Variants in CCDC172 observed in about 807,000 individuals in gnomAD.
The protein encoded by CCDC172 is coiled-coil domain containing 172, also known as coiled-coil domain-containing protein 172.
Under a neutral mutation model 38.0 loss-of-function variants are expected in CCDC172, and 30 were observed. That is an observed-to-expected ratio of 0.79 (90% CI 0.59 to 1.07). CCDC172 has a LOEUF of 1.07. CCDC172 is among the 50% of genes least tolerant of loss of function. The pLI is 0.00. For synonymous variants in CCDC172, 78 were observed against 88.3 expected (o/e 0.88, Z 0.66); for missense variants, 297 against 290.1 (o/e 1.02, Z -0.17).
intron 2 of CCDC172, 72 bp downstream of exon 2, chr10:116,325,162 C>A: frequency 6.5e-7 from 1 of 1,548,208 alleles, no homozygotes; most frequent in Non-Finnish European, 8.9e-7. Context: ...AGAAGGAAAT[C>A]CCGAAGGCAG....
At chr10:116,355,130 A>G (rs948683373) in intron 5 of CCDC172, among the ~76,000 whole-genome samples, 3 of 152,192 alleles carry the variant, frequency 2.0e-5, no homozygotes, top group African/African-American at 7.2e-5. Context: ...GTGTACGGTA[A>G]TGTCGTGGGC....
chr10:116,348,184 T>TTGG (rs1334543434), intron 5 of CCDC172, among the ~76,000 whole-genome samples: 7 of 152,048 alleles, frequency 4.6e-5, no homozygotes, highest in East Asian at 1.9e-4. Flanking sequence ...GCAACTCTTC[T>TTGG]TGGTGGTGGT....
chr10:116,366,026 T>G (rs1254566682), intron 7 of CCDC172, among the ~76,000 whole-genome samples: 1 of 152,184 alleles, frequency 6.6e-6, no homozygotes, highest in African/African-American at 2.4e-5. Flanking sequence ...AATATTTTCC[T>G]GTTGTTAAAC....
At chr10:116,348,250 C>T (rs891827163) in intron 5 of CCDC172, among the ~76,000 whole-genome samples, 2 of 152,068 alleles carry the variant, frequency 1.3e-5, no homozygotes, top group Non-Finnish European at 2.9e-5. Flanking sequence ...CTGTTGACTT[C>T]CCAGAGCAGT....
rs1430041653 is a variant in CCDC172, at chr10:116,342,058, TAGA to T, written c.306_308del (p.Ile102_Glu103delinsMet). 1 of 1,519,258 alleles carries T rather than the reference TAGA, an allele frequency of 6.6e-7. No individual in the cohort carries two copies. Among genetic ancestry groups the T allele is most frequent in the African/African-American group, 1.5e-5 (1 of 68,928 alleles). The allele number at this position is 1,519,258 out of a possible 1,614,324, so 94.1% of individuals were successfully genotyped here. A position where few individuals can be genotyped will look rare whatever the true frequency, so the allele number is the denominator to read the frequency against. On this transcript the variant is annotated inframe_deletion, in exon 5 of 9. Coordinates refer to ENST00000333254, the MANE Select transcript of CCDC172 (RefSeq NM_198515.3). The stretch of plus-strand genomic sequence containing the variant: ...CAGGAGGCTATAAAGAAACAAATGA[TAGA>T]GGAGGAAGACAAATTTATTAAGGAA...
In CCDC172 at chr10:116,378,443, T is replaced by TATAA; in HGVS notation, c.674_675insATAA (p.Tyr226Ter). 3 of 1,598,010 alleles carry TATAA rather than the reference T, an allele frequency of 1.9e-6. No homozygotes were observed. The highest frequency in any genetic ancestry group is 2.6e-6 in the Non-Finnish European group (3 of 1,174,614). On this transcript the variant is annotated stop_gained and frameshift_variant, in exon 8 of 9. Transcript: ENST00000333254. LOFTEE classifies it high-confidence loss of function. ...AATAGACTTAAAAAAGAATTAGAAC[T>TATAA]TTATAAGGAAGATGACATGGAAAGT... is the stretch of plus-strand genomic sequence containing the variant.
intron 7 of CCDC172, among the ~76,000 whole-genome samples, chr10:116,366,860 G>A (rs982371933): frequency 3.3e-5 from 5 of 152,096 alleles, no homozygotes; most frequent in Non-Finnish European, 7.4e-5. Context: ...CAATCTTGTG[G>A]ACATAAGATG....
intron 1 of CCDC172, 60 bp downstream of exon 1, chr10:116,324,673 G>T: frequency 4.1e-6 from 1 of 245,814 alleles, no homozygotes; most frequent in African/African-American, 2.3e-5. Context: ...AGGGACGGAG[G>T]CCTGAGTCAG....
intron 7 of CCDC172, among the ~76,000 whole-genome samples, chr10:116,370,373 T>C (rs1400990253): frequency 1.3e-5 from 2 of 151,980 alleles, no homozygotes; most frequent in East Asian, 3.8e-4. Flanking sequence ...TTCTTGTATA[T>C]GCTGTATAAT....
chr10:116,370,679 A>G (rs1845177058), intron 7 of CCDC172, among the ~76,000 whole-genome samples: 1 of 151,778 alleles, frequency 6.6e-6, no homozygotes, highest in African/African-American at 2.4e-5. Flanking sequence ...GCTTTCCTAA[A>G]AAGAAAAAGA....
rs72839540 is a variant in CCDC172 at position 116,355,211 on chromosome 10, A to G, written c.449-2169A>G. ...AGTACTACAAGCTCCATTCATGGTA[A>G]GTATCTTACACAGGTATACCATTTT... On this transcript the variant is annotated intron_variant, in intron 5 of 8. Transcript: ENST00000333254. Among the ~76,000 whole-genome samples, 253 of 152,290 alleles carry G rather than the reference A, an allele frequency of 1.7e-3. 2 individuals carry two copies. Among genetic ancestry groups the G allele is most frequent in the Non-Finnish European group, 2.5e-3 (171 of 68,026 alleles).
At chr10:116,333,250 A>C (rs988407691) in intron 3 of CCDC172, among the ~76,000 whole-genome samples, 1 of 152,170 alleles carries the variant, frequency 6.6e-6, no homozygotes, top group Admixed American at 6.6e-5. Flanking sequence ...TTGCCTATAA[A>C]TACAATATAT....
chr10:116,329,950 T>G (rs1565711051), intron 3 of CCDC172, among the ~76,000 whole-genome samples: 1 of 152,222 alleles, frequency 6.6e-6, no homozygotes, highest in Admixed American at 6.5e-5. Flanking sequence ...GTGGTACATC[T>G]AAAGTACTTT....
At chr10:116,369,424 T>C (rs1845160621) in intron 7 of CCDC172, among the ~76,000 whole-genome samples, 1 of 152,068 alleles carries the variant, frequency 6.6e-6, no homozygotes, top group Admixed American at 6.5e-5. Flanking sequence ...AGACATTTAA[T>C]TATATATTCT....
At position 116,340,244 on chromosome 10, in the gene CCDC172, T is replaced by G. The variant is rs140430312; in HGVS notation, c.166-490T>G. Among the ~76,000 whole-genome samples the G allele has an allele frequency of 5.9e-3, 897 of 152,068 alleles. 10 individuals carry two copies. Among genetic ancestry groups the G allele is most frequent in the African/African-American group, 0.018 (761 of 41,550 alleles). On this transcript the variant is annotated intron_variant, in intron 3 of 8. Transcript: ENST00000333254. ...TAAGGTCTTTAGCAGACTCGTTTTT[T>G]ATTTGATATAACTATAATCATGGGA...
chr10:116,376,777 T>G (rs7087914), intron 7 of CCDC172, among the ~76,000 whole-genome samples: 1 of 151,948 alleles, frequency 6.6e-6, no homozygotes, highest in Admixed American at 6.6e-5. Context: ...TACTCAATAG[T>G]TACAGGAAGA....
At chr10:116,360,246 C>T (rs562085476) in intron 7 of CCDC172, among the ~76,000 whole-genome samples, 21 of 151,904 alleles carry the variant, frequency 1.4e-4, no homozygotes, top group African/African-American at 4.8e-4. Context: ...GTAGGGAGAA[C>T]AGAAATAATA....
intron 3 of CCDC172, among the ~76,000 whole-genome samples, chr10:116,334,694 C>T (rs1401915785): frequency 2.6e-5 from 4 of 151,830 alleles, no homozygotes; most frequent in African/African-American, 9.7e-5. Context: ...TGTATACATA[C>T]ATCTTTGTGC....
chr10:116,340,252 A>G (rs542814729), intron 3 of CCDC172, among the ~76,000 whole-genome samples: 61 of 152,042 alleles, frequency 4.0e-4, no homozygotes, highest in African/African-American at 1.4e-3. Context: ...TTTATTTGAT[A>G]TAACTATAAT....
Sources: gnomAD v4.1 joint callset for allele counts (sites outside exome capture counted in the v4.1 genomes callset) on GRCh38, gnomAD v4.1.1 for gene constraint, MANE v1.5 for transcripts, NCBI Gene and HGNC (gene_info 2026-07-23, HGNC 2026-07-21) for gene names.